KSR1: variants seen among roughly 807,000 people sequenced by gnomAD.
KSR1 encodes the protein kinase suppressor of ras.
A neutral mutation model predicts 92.9 loss-of-function variants in KSR1; 35 were observed. That is an observed-to-expected ratio of 0.38 (90% CI 0.29 to 0.50). The LOEUF (loss-of-function observed/expected upper bound fraction) is 0.50, where lower values mean the gene tolerates loss of function less well. Among genes scored for constraint, KSR1 ranks in the 20% least tolerant of loss-of-function variants. KSR1 has a pLI of 0.94. For missense variants in KSR1, 972 were observed against 1,158.5 expected (o/e 0.84, Z 2.34); for synonymous variants, 467 against 472.6 (o/e 0.99, Z 0.15).
At chr17:27,544,363 T>A (rs1319206057) in intron 1 of KSR1, among the ~76,000 whole-genome samples, 4 of 152,192 alleles carry the variant, frequency 2.6e-5, no homozygotes, top group Non-Finnish European at 5.9e-5. Context: ...ATGATACTCT[T>A]TTTATAGGTG....
chr17:27,600,090 CTTTTT>C lies in KSR1; in HGVS notation c.1469-1251_1469-1247del, dbSNP rs552526373. Among the ~76,000 whole-genome samples, 936 of 115,286 alleles carry C rather than the reference CTTTTT, an allele frequency of 8.1e-3. 11 individuals carry two copies. Among genetic ancestry groups the C allele is most frequent in the African/African-American group, 0.029 (906 of 30,790 alleles). 75.6% of individuals were successfully genotyped at this position (115,286 alleles called of 152,430 possible). A position where few individuals can be genotyped will look rare whatever the true frequency, so the allele number is the denominator to read the frequency against. On this transcript the variant is annotated intron_variant, in intron 10 of 20. Transcript: ENST00000644974. ...CTGCCTGAGGCTAGTTTACAGATAA[CTTTTT>C]TTTTTTTTTTTTTTTTTTGGTAAGT...
At position 27,605,722 on chromosome 17, in the gene KSR1, G is replaced by T; in HGVS notation, c.1903G>T (p.Glu635Ter). 1 of 1,612,954 alleles carries T rather than the reference G, an allele frequency of 6.2e-7. No individual in the cohort carries two copies. The change falls in exon 14 of 21, where the codon GAG becomes TAG. Residue 635 changes from glutamate to a stop codon, truncating the protein, a stop_gained. Transcript: ENST00000644974. LOFTEE classifies it high-confidence loss of function. ...NQDHLKLFKK[E>*]VMNYRQTRHE... ...GGACCACCTGAAGCTCTTCAAGAAA[G>T]AGGTGATGAACTACCGGCAGACGCG...
intron 18 of KSR1, among the ~76,000 whole-genome samples, chr17:27,612,229 A>C (rs533220907): frequency 6.6e-6 from 1 of 152,362 alleles, no homozygotes; most frequent in East Asian, 1.9e-4. Context: ...AGAGCGTTGC[A>C]CTGGGAATAT....
At chr17:27,607,122 G>A (rs1416459064) in intron 14 of KSR1, among the ~76,000 whole-genome samples, 1 of 152,170 alleles carries the variant, frequency 6.6e-6, no homozygotes, top group African/African-American at 2.4e-5. Flanking sequence ...GTGAGCCACT[G>A]TGGCCTGCCT....
chr17:27,473,250 C>T (rs1369121731), intron 1 of KSR1, among the ~76,000 whole-genome samples: 3 of 152,162 alleles, frequency 2.0e-5, no homozygotes, highest in Non-Finnish European at 4.4e-5. Flanking sequence ...TAGAAATTTG[C>T]TTGATCTTGG....
intron 1 of KSR1, among the ~76,000 whole-genome samples, chr17:27,517,128 T>G (rs754801303): frequency 1.3e-5 from 2 of 152,246 alleles, no homozygotes; most frequent in Non-Finnish European, 2.9e-5. Context: ...GGTAATTTTC[T>G]GATCCTGAAA....
intron 2 of KSR1, among the ~76,000 whole-genome samples, chr17:27,568,824 T>C (rs2072190763): frequency 6.6e-6 from 1 of 152,216 alleles, no homozygotes; most frequent in African/African-American, 2.4e-5. Flanking sequence ...GTCCTGTCCC[T>C]ACCCTCCTCT....
chr17:27,476,985 G>T (rs921583902), intron 1 of KSR1, among the ~76,000 whole-genome samples: 33 of 152,210 alleles, frequency 2.2e-4, no homozygotes, highest in African/African-American at 7.7e-4. Context: ...GAGGGCTGCT[G>T]GTTGCCCATT....
At chr17:27,591,657 C>T (rs2073171431) in intron 7 of KSR1, among the ~76,000 whole-genome samples, 1 of 152,252 alleles carries the variant, frequency 6.6e-6, no homozygotes, top group Non-Finnish European at 1.5e-5. Context: ...CTCCTGACCT[C>T]TAGGGAGTTG....
At chr17:27,584,101 G>A (rs1452955079) in intron 4 of KSR1, 8 of 471,782 alleles carry the variant, frequency 1.7e-5, no homozygotes, top group Non-Finnish European at 1.9e-5. Context: ...TGGCAGCACA[G>A]AAAGAAAGGG....
Position 27,592,393 on chromosome 17 carries a change from C to T in KSR1, c.1163C>T (p.Ala388Val), listed in dbSNP as rs1167290398. The change falls in exon 8 of 21, where the codon GCC becomes GTC. Residue 388 changes from alanine (A) to valine (V), a missense_variant. Physicochemically the swap from Ala to Val is moderately conservative, Grantham distance 64. Coordinates refer to ENST00000644974, the MANE Select transcript of KSR1 (RefSeq NM_001394583.1). Reference protein sequence around the residue: ...LKCHNKCTKEAPACRISFLPL... With the variant: ...LKCHNKCTKEVPACRISFLPL... ...TGTCACAACAAATGTACCAAAGAAGCCCCTGCCTGTAGAATATCCTTCCTG... is the reference window on the plus strand; with the variant it reads ...TGTCACAACAAATGTACCAAAGAAGTCCCTGCCTGTAGAATATCCTTCCTG... 1 of 1,613,830 alleles carries T rather than the reference C, an allele frequency of 6.2e-7. No individual in the cohort carries two copies. Among genetic ancestry groups the T allele is most frequent in the Admixed American group, 1.7e-5 (1 of 60,000 alleles).
chr17:27,610,594 G>A (rs2073887976), intron 17 of KSR1, among the ~76,000 whole-genome samples: 1 of 152,154 alleles, frequency 6.6e-6, no homozygotes. Context: ...ACCCCACAAA[G>A]ACCTGGGTGC....
intron 1 of KSR1, among the ~76,000 whole-genome samples, chr17:27,490,736 C>T (rs2068797251): frequency 6.6e-6 from 1 of 152,130 alleles, no homozygotes; most frequent in Admixed American, 6.6e-5. Context: ...TGTAAATTAC[C>T]ATCATTATTG....
intron 20 of KSR1, chr17:27,621,871 C>A: frequency 1.3e-6 from 2 of 1,594,206 alleles, no homozygotes. Context: ...CCGACAGGCT[C>A]TGCATTGGGG....
chr17:27,501,733 A>C (rs1240121419), intron 1 of KSR1, among the ~76,000 whole-genome samples: 1 of 152,232 alleles, frequency 6.6e-6, no homozygotes, highest in African/African-American at 2.4e-5. Context: ...TCCTGACCTC[A>C]AAAGATCCGC....
intron 2 of KSR1, chr17:27,558,057 T>C (rs1598022691): frequency 6.5e-6 from 1 of 152,694 alleles, no homozygotes; most frequent in Admixed American, 6.5e-5. Context: ...CCACACAAGA[T>C]GTGATCAGCT....
intron 1 of KSR1, among the ~76,000 whole-genome samples, chr17:27,497,721 A>G (rs2069039801): frequency 6.6e-6 from 1 of 152,228 alleles, no homozygotes; most frequent in Non-Finnish European, 1.5e-5. Context: ...AAGAGAAAAT[A>G]TTAAATAATA....
At chr17:27,557,684 T>C (rs2071658397) in intron 2 of KSR1, among the ~76,000 whole-genome samples, 1 of 152,206 alleles carries the variant, frequency 6.6e-6, no homozygotes, top group South Asian at 2.1e-4. Context: ...TTTCCTCAGA[T>C]GGCTGCTGCT....
intron 1 of KSR1, chr17:27,527,079 A>G: frequency 2.3e-6 from 1 of 428,994 alleles, no homozygotes; most frequent in Non-Finnish European, 4.5e-6. Flanking sequence ...GCCTGCAGGT[A>G]CATTGATTGC....
Sources: gnomAD v4.1 joint callset for allele counts (sites outside exome capture counted in the v4.1 genomes callset) on GRCh38, gnomAD v4.1.1 for gene constraint, MANE v1.5 for transcripts, NCBI Gene and HGNC (gene_info 2026-07-23, HGNC 2026-07-21) for gene names.